LIPC: variants seen among roughly 807,000 people sequenced by gnomAD.
The protein encoded by LIPC is lipase C, hepatic type.
A neutral mutation model predicts 50.7 loss-of-function variants in LIPC; 44 were observed. The ratio of observed to expected loss-of-function variants is 0.87; its 90% confidence interval spans 0.68 to 1.11. The LOEUF (loss-of-function observed/expected upper bound fraction) is 1.11. Ranked by LOEUF, LIPC falls within the 50% of genes most tolerant of loss-of-function variation. The probability of loss-of-function intolerance (pLI) is 0.00; values close to 1 mark genes in which losing one functional copy is unlikely to be tolerated. For synonymous variants in LIPC, 271 were observed against 256.4 expected, an observed-to-expected ratio of 1.06 and a Z score of -0.54; for missense variants, 697 against 648.2, an observed-to-expected ratio of 1.08 and a Z score of -0.82.
rs1893371799 is a variant in LIPC, at chr15:58,542,638, T to C, written c.561T>C (p.Ile187=). ...GTTCCATCGGTGGAACGCACAAGAT[T>C]GGGAGAATCACAGGTAACCATGCCT... ...AGSSIGGTHK[I]GRITGLDAAG... The change falls in exon 4 of 9, where the codon ATT becomes ATC. Residue 187 remains isoleucine (I), a synonymous_variant. Coordinates refer to ENST00000299022, the MANE Select transcript of LIPC (RefSeq NM_000236.3). The C allele has an allele frequency of 1.2e-6, 2 of 1,611,468 alleles. No individual in the cohort carries two copies. Among genetic ancestry groups the C allele is most frequent in the Non-Finnish European group, 1.7e-6 (2 of 1,177,948 alleles).
At chr15:58,441,863 T>A (rs962018860) in intron 1 of LIPC, among the ~76,000 whole-genome samples, 9 of 152,348 alleles carry the variant, frequency 5.9e-5, no homozygotes, top group African/African-American at 2.2e-4. Flanking sequence ...TGTTTAGTCA[T>A]GTTTTTTGAT....
At chr15:58,539,578 G>T (rs559987634) in intron 2 of LIPC, among the ~76,000 whole-genome samples, 3 of 152,124 alleles carry the variant, frequency 2.0e-5, no homozygotes, top group Admixed American at 6.5e-5. Flanking sequence ...CAGAGATTTT[G>T]GTGTCTACTT....
chr15:58,550,273 GA>G (rs1188878732), intron 6 of LIPC, among the ~76,000 whole-genome samples: 1 of 152,194 alleles, frequency 6.6e-6, no homozygotes, highest in African/African-American at 2.4e-5. Flanking sequence ...GGGAAGAAAA[GA>G]GGTCATTTTT....
intron 1 of LIPC, among the ~76,000 whole-genome samples, chr15:58,526,389 C>T (rs1312129487): frequency 6.6e-6 from 1 of 152,190 alleles, no homozygotes; most frequent in African/African-American, 2.4e-5. Context: ...CCTCGAGGTG[C>T]CTGATTCAGA....
rs141637315 is a variant in LIPC, at chr15:58,569,833, T to C, written c.*1006T>C. On this transcript the variant is annotated 3_prime_UTR_variant, in exon 9 of 9. Coordinates refer to ENST00000299022, the MANE Select transcript of LIPC (RefSeq NM_000236.3). ...CAGAACTGTGAGAAATAAATGTTTC[T>C]TGTTTAAGCCATCCAGACTATGGTA... 6.7e-4 allele frequency: 103 copies of C among 154,726 alleles called. 3 individuals are homozygous for C. In the East Asian group the frequency reaches 0.018, roughly 26 times the overall value. The allele number at this position is 154,726 out of a possible 1,614,324, so 9.6% of individuals were successfully genotyped here.
At chr15:58,505,417 C>T (rs1458483745) in intron 1 of LIPC, among the ~76,000 whole-genome samples, 2 of 152,202 alleles carry the variant, frequency 1.3e-5, no homozygotes, top group Non-Finnish European at 2.9e-5. Context: ...ATTTAATATA[C>T]AAAAAAATGT....
chr15:58,455,744 A>G (rs1894086225), intron 1 of LIPC, among the ~76,000 whole-genome samples: 1 of 152,258 alleles, frequency 6.6e-6, no homozygotes, highest in African/African-American at 2.4e-5. Flanking sequence ...GGAGTTTACA[A>G]TAAAGAATAC....
intron 1 of LIPC, among the ~76,000 whole-genome samples, chr15:58,439,050 G>T (rs996092004): frequency 6.6e-6 from 1 of 152,212 alleles, no homozygotes; most frequent in African/African-American, 2.4e-5. Flanking sequence ...AGTCAGTTCT[G>T]GCACGGCTCT....
intron 1 of LIPC, among the ~76,000 whole-genome samples, chr15:58,520,279 G>A (rs561022182): frequency 2.0e-4 from 31 of 152,288 alleles, no homozygotes; most frequent in African/African-American, 7.5e-4. Context: ...TGGGCGGGCA[G>A]TCAGGAACCC....
At chr15:58,445,711 C>T (rs1043141018) in intron 1 of LIPC, among the ~76,000 whole-genome samples, 1 of 152,180 alleles carries the variant, frequency 6.6e-6, no homozygotes, top group Non-Finnish European at 1.5e-5. Flanking sequence ...CTTCCCAGCA[C>T]GTGGCCTTGA....
intron 1 of LIPC, among the ~76,000 whole-genome samples, chr15:58,447,698 A>T (rs1328155027): frequency 6.6e-6 from 1 of 152,168 alleles, no homozygotes; most frequent in Non-Finnish European, 1.5e-5. Flanking sequence ...TGATACAATG[A>T]ATGTTTTTTT....
chr15:58,444,720 T>A (rs1019708576), intron 1 of LIPC, among the ~76,000 whole-genome samples: 10 of 152,174 alleles, frequency 6.6e-5, no homozygotes, highest in Non-Finnish European at 1.2e-4. Context: ...AATCACCTCT[T>A]TAAAGACTCT....
At chr15:58,516,492 G>A (rs1892493822) in intron 1 of LIPC, among the ~76,000 whole-genome samples, 1 of 151,990 alleles carries the variant, frequency 6.6e-6, no homozygotes. Context: ...TTGCCCGACA[G>A]CTCCCTGATG....
intron 1 of LIPC, among the ~76,000 whole-genome samples, chr15:58,466,206 G>C (rs1241454860): frequency 6.6e-6 from 1 of 152,204 alleles, no homozygotes; most frequent in African/African-American, 2.4e-5. Flanking sequence ...CAATGCGATG[G>C]GACGTGCTGA....
At chr15:58,516,885 G>T (rs1017710107) in intron 1 of LIPC, among the ~76,000 whole-genome samples, 4 of 152,098 alleles carry the variant, frequency 2.6e-5, no homozygotes, top group Admixed American at 2.0e-4. Flanking sequence ...GGTAATTTTT[G>T]ACTAGATACC....
rs192699261 is a variant in LIPC, at chr15:58,531,877, T to G, written c.89-6456T>G. Among the ~76,000 whole-genome samples the G allele has an allele frequency of 5.9e-5, 9 of 152,272 alleles. No homozygotes were observed. In the East Asian group the frequency reaches 1.7e-3, roughly 29 times the overall value. The stretch of plus-strand genomic sequence containing the variant: ...GAAAAGAAACCCACTCAAGACAAAC[T>G]TAGGAATTTCTTCTGAGTTCAAAAC... On this transcript the variant is annotated intron_variant, in intron 1 of 8. Coordinates refer to ENST00000299022, the MANE Select transcript of LIPC (RefSeq NM_000236.3).
At chr15:58,470,597 C>CTT (rs5812936) in intron 1 of LIPC, among the ~76,000 whole-genome samples, 9 of 136,316 alleles carry the variant, frequency 6.6e-5, no homozygotes, top group Admixed American at 1.5e-4. Context: ...CATTTAACTC[C>CTT]TTTTTTTTTT....
intron 1 of LIPC, among the ~76,000 whole-genome samples, chr15:58,507,648 G>T (rs1490603363): frequency 6.6e-6 from 1 of 152,208 alleles, no homozygotes; most frequent in Admixed American, 6.5e-5. Flanking sequence ...AGAAAGGGTA[G>T]CTGGCTAGCG....
intron 1 of LIPC, among the ~76,000 whole-genome samples, chr15:58,453,519 A>T (rs1382239513): frequency 6.6e-6 from 1 of 152,182 alleles, no homozygotes; most frequent in Non-Finnish European, 1.5e-5. Context: ...GGCTGGGGGA[A>T]GGTGGTGATG....
Sources: allele counts gnomAD v4.1 joint callset (sites outside exome capture counted in the v4.1 genomes callset), GRCh38; gene constraint gnomAD v4.1.1; transcripts MANE v1.5; gene names NCBI Gene and HGNC (gene_info 2026-07-23, HGNC 2026-07-21).